Variants in THRB observed in about 807,000 individuals in gnomAD.
THRB encodes the protein nuclear receptor subfamily 1 group A member 2.
In THRB, 12 loss-of-function variants were observed where a neutral mutation model predicts 47.8. The observed-to-expected ratio is 0.25, with a 90% CI of 0.16 to 0.41. The LOEUF (loss-of-function observed/expected upper bound fraction) is 0.41. THRB is among the 10% of genes least tolerant of loss of function. The probability of loss-of-function intolerance (pLI) is 1.00; values close to 1 mark genes in which losing one functional copy is unlikely to be tolerated. For synonymous variants in THRB, 218 were observed against 212.2 expected (o/e 1.03, Z -0.24); for missense variants, 348 against 589.2 (o/e 0.59, Z 4.24).
chr3:24,186,453 A>G (rs900610668), intron 5 of THRB, among the ~76,000 whole-genome samples: 3 of 152,086 alleles, frequency 2.0e-5, no homozygotes, highest in Non-Finnish European at 2.9e-5. Context: ...GGGTGGGGTG[A>G]GTTGCAGAAG....
At chr3:24,344,180 T>C (rs115559876) in intron 1 of THRB, among the ~76,000 whole-genome samples, 3,121 of 152,032 alleles carry the variant, frequency 0.021, 42 homozygotes, top group African/African-American at 0.038. Context: ...GTCATCACAA[T>C]CAACTATGAG....
intron 1 of THRB, among the ~76,000 whole-genome samples, chr3:24,473,057 A>G (rs1471156577): frequency 6.6e-6 from 1 of 152,184 alleles, no homozygotes; most frequent in Non-Finnish European, 1.5e-5. Context: ...GGACTGGCCA[A>G]AGCTTTCTGA....
At chr3:24,398,917 T>C (rs891893940) in intron 1 of THRB, among the ~76,000 whole-genome samples, 1 of 152,172 alleles carries the variant, frequency 6.6e-6, no homozygotes, top group African/African-American at 2.4e-5. Context: ...GATGAGTTCA[T>C]GTCCTTTGTA....
chr3:24,178,289 T>A (rs747110202), intron 5 of THRB, among the ~76,000 whole-genome samples: 5 of 152,222 alleles, frequency 3.3e-5, no homozygotes, highest in Admixed American at 3.3e-4. Flanking sequence ...CACCGTATCA[T>A]ACAATTTTTT....
At chr3:24,397,421 T>G (rs1338446272) in intron 1 of THRB, among the ~76,000 whole-genome samples, 1 of 152,106 alleles carries the variant, frequency 6.6e-6, no homozygotes, top group African/African-American at 2.4e-5. Context: ...CCATCATCCA[T>G]CAGCACATAC....
intron 5 of THRB, among the ~76,000 whole-genome samples, chr3:24,167,999 A>C (rs2039877707): frequency 6.6e-6 from 1 of 152,160 alleles, no homozygotes; most frequent in South Asian, 2.1e-4. Flanking sequence ...GAATTTAAAA[A>C]ATCCTGAATT....
chr3:24,492,490 C>A (rs183221252), intron 1 of THRB, among the ~76,000 whole-genome samples: 1 of 152,248 alleles, frequency 6.6e-6, no homozygotes, highest in Admixed American at 6.5e-5. Flanking sequence ...AATGAGAAGA[C>A]CAGGGCGAAG....
intron 5 of THRB, among the ~76,000 whole-genome samples, chr3:24,174,869 C>T (rs573155127): frequency 2.0e-5 from 3 of 152,098 alleles, no homozygotes; most frequent in East Asian, 1.9e-4. Context: ...CATAACTTGC[C>T]CACAGTCATA....
At position 24,409,286 on chromosome 3, in the gene THRB, G is replaced by A. The variant is rs529975008; in HGVS notation, c.-260-71915C>T. On this transcript the variant is annotated intron_variant, in intron 1 of 10. Coordinates refer to ENST00000646209, the MANE Select transcript of THRB (RefSeq NM_001354712.2). ...TCCACTCTATAGGAGTCTTGGTTTGGTTGATATGAAAGATATTTGGGTATC... is the reference window on the plus strand; with the variant it reads ...TCCACTCTATAGGAGTCTTGGTTTGATTGATATGAAAGATATTTGGGTATC... Among the ~76,000 whole-genome samples, 11 of 151,884 alleles carry A rather than the reference G, an allele frequency of 7.2e-5. No individual in the cohort carries two copies. The East Asian group carries it at 2.1e-3, about 30-fold the overall frequency.
chr3:24,284,119 C>T (rs979208885), intron 3 of THRB, among the ~76,000 whole-genome samples: 2,944 of 147,346 alleles, frequency 0.02, 97 homozygotes, highest in African/African-American at 0.069. Context: ...GCCCGCATCG[C>T]CAAGTCAATC....
chr3:24,190,457 T>C, intron 4 of THRB, 123 bp from the exon 5 acceptor site: 1 of 1,215,696 alleles, frequency 8.2e-7, no homozygotes. Context: ...CACATGCCAC[T>C]TGACGGGAGT....
At chr3:24,413,776 C>G (rs1413660222) in intron 1 of THRB, among the ~76,000 whole-genome samples, 1 of 151,704 alleles carries the variant, frequency 6.6e-6, no homozygotes, top group Non-Finnish European at 1.5e-5. Flanking sequence ...TCCAAGTGTT[C>G]TCGTTGTTCA....
intron 1 of THRB, among the ~76,000 whole-genome samples, chr3:24,480,764 C>T (rs1312692484): frequency 6.6e-6 from 1 of 152,106 alleles, no homozygotes; most frequent in Non-Finnish European, 1.5e-5. Flanking sequence ...TAATAAAATC[C>T]CTTCAGGGCA....
At chr3:24,391,031 G>C (rs1210596892) in intron 1 of THRB, among the ~76,000 whole-genome samples, 1 of 152,034 alleles carries the variant, frequency 6.6e-6, no homozygotes, top group African/African-American at 2.4e-5. Flanking sequence ...CTGCATCACA[G>C]GCAGAGTGCA....
intron 3 of THRB, among the ~76,000 whole-genome samples, chr3:24,286,991 T>C (rs145637554): frequency 6.6e-6 from 1 of 152,106 alleles, no homozygotes; most frequent in African/African-American, 2.4e-5. Context: ...GAAGTTGAAG[T>C]TGGGTAAATT....
intron 1 of THRB, among the ~76,000 whole-genome samples, chr3:24,426,488 A>C (rs2150342295): frequency 6.6e-6 from 1 of 152,078 alleles, no homozygotes. Flanking sequence ...TTGTTAGCTG[A>C]ATAATGACTG....
intron 8 of THRB, among the ~76,000 whole-genome samples, chr3:24,139,498 C>T (rs115295722): frequency 0.02 from 3,114 of 152,042 alleles, 108 homozygotes; most frequent in African/African-American, 0.071. Flanking sequence ...ATCCATCTAC[C>T]TCAGCCTCCT....
intron 1 of THRB, among the ~76,000 whole-genome samples, chr3:24,477,768 A>G (rs1695706900): frequency 6.6e-6 from 1 of 151,938 alleles, no homozygotes; most frequent in South Asian, 2.1e-4. Context: ...TGACACCGGC[A>G]CCATCATAAT....
At chr3:24,179,606 G>A (rs1256200911) in intron 5 of THRB, among the ~76,000 whole-genome samples, 2 of 152,098 alleles carry the variant, frequency 1.3e-5, no homozygotes, top group Non-Finnish European at 2.9e-5. Flanking sequence ...CCAAGAAAAC[G>A]TACAATTTAC....
Sources: allele counts gnomAD v4.1 joint callset (sites outside exome capture counted in the v4.1 genomes callset), GRCh38; gene constraint gnomAD v4.1.1; transcripts MANE v1.5; gene names NCBI Gene and HGNC (gene_info 2026-07-23, HGNC 2026-07-21).